DKK3: variants seen among roughly 807,000 people sequenced by gnomAD.
DKK3 encodes dickkopf-related protein 3.
Under a neutral mutation model 33.2 loss-of-function variants are expected in DKK3, and 22 were observed. The observed-to-expected ratio is 0.66, with a 90% CI of 0.47 to 0.95. The LOEUF is 0.95. Among genes scored for constraint, DKK3 ranks in the 40% least tolerant of loss-of-function variants. The probability of loss-of-function intolerance (pLI) is 0.00; values close to 1 mark genes in which losing one functional copy is unlikely to be tolerated. For missense variants in DKK3, 398 were observed against 458.4 expected (o/e 0.87, Z 1.20); for synonymous variants, 194 against 188.8 (o/e 1.03, Z -0.23).
At chr11:11,982,213 G>A (rs76731316) in intron 3 of DKK3, among the ~76,000 whole-genome samples, 4,323 of 152,238 alleles carry the variant, frequency 0.028, 361 homozygotes, top group Admixed American at 0.19. Context: ...TGTCAGGGGC[G>A]TGGGGACAGT....
chr11:11,987,564 C>T (rs770843957), intron 3 of DKK3, among the ~76,000 whole-genome samples: 6 of 152,138 alleles, frequency 3.9e-5, no homozygotes, highest in Non-Finnish European at 8.8e-5. Context: ...TATCTGGGCT[C>T]ATAAGGAAAC....
chr11:11,979,209 G>A (rs1027280903), intron 3 of DKK3, among the ~76,000 whole-genome samples: 6 of 152,234 alleles, frequency 3.9e-5, no homozygotes, highest in South Asian at 4.1e-4. Flanking sequence ...TCCTACCCTT[G>A]TGTCAGGAAA....
intron 3 of DKK3, among the ~76,000 whole-genome samples, chr11:11,969,282 G>A (rs888398871): frequency 2.2e-4 from 34 of 152,216 alleles, no homozygotes; most frequent in African/African-American, 7.5e-4. Context: ...TCAGGCCTAC[G>A]AACCGGCAGC....
intron 3 of DKK3, among the ~76,000 whole-genome samples, chr11:11,984,729 G>A (rs1462414658): frequency 6.6e-6 from 1 of 151,730 alleles, no homozygotes. Flanking sequence ...GTTTTCCCCT[G>A]GGCAGAAAAA....
chr11:12,007,389 C>G (rs1287274317), intron 1 of DKK3, among the ~76,000 whole-genome samples: 4 of 152,174 alleles, frequency 2.6e-5, no homozygotes, highest in Non-Finnish European at 5.9e-5. Context: ...CAGATTGGGC[C>G]CAACAGCGCC....
At chr11:11,978,494 CTTCT>C (rs971925730) in intron 3 of DKK3, among the ~76,000 whole-genome samples, 1 of 150,536 alleles carries the variant, frequency 6.6e-6, no homozygotes, top group Non-Finnish European at 1.5e-5. Context: ...TCCTCTTCTT[CTTCT>C]TCTTTCTTCT....
At chr11:11,970,214 T>C (rs1265904754) in intron 3 of DKK3, among the ~76,000 whole-genome samples, 2 of 152,136 alleles carry the variant, frequency 1.3e-5, no homozygotes, top group Non-Finnish European at 2.9e-5. Context: ...TTTGAGGGAC[T>C]GGGGACACAA....
chr11:11,964,388 C>T lies in DKK3; in HGVS notation c.*76G>A. The T allele has an allele frequency of 6.5e-7, 1 of 1,540,858 alleles. No homozygotes were observed. Among genetic ancestry groups the T allele is most frequent in the Non-Finnish European group, 8.7e-7 (1 of 1,145,310 alleles). ...AAGATGTAGGAAGAAGCCTGGTCAG[C>T]CCACGCCTAAAGCACACACCTGGGG... is the stretch of plus-strand genomic sequence containing the variant. On this transcript the variant is annotated 3_prime_UTR_variant, in exon 7 of 7. Coordinates refer to ENST00000683431, the MANE Select transcript of DKK3 (RefSeq NM_001018057.2).
At chr11:11,993,962 C>T (rs1848239028) in intron 3 of DKK3, among the ~76,000 whole-genome samples, 1 of 152,034 alleles carries the variant, frequency 6.6e-6, no homozygotes, top group Non-Finnish European at 1.5e-5. Flanking sequence ...TATCCCCAAT[C>T]CTCAACCTAG....
Position 12,008,035 on chromosome 11 carries a change from A to C in DKK3, c.213+335T>G, listed in dbSNP as rs537695300. Among the ~76,000 whole-genome samples, 3 of 152,286 alleles carry C rather than the reference A, an allele frequency of 2.0e-5. No individual in the cohort carries two copies. In the South Asian group the frequency reaches 6.2e-4, roughly 32 times the overall value. On this transcript the variant is annotated intron_variant, in intron 1 of 6. Transcript: ENST00000683431. The surrounding 1 kb of genome is among the most constrained non-coding windows in gnomAD (Gnocchi z 4.6). ...TGTGAAACCACAGTGCTGGAATACC[A>C]GGGGCCCTGCAAACCTCTGCTGACA...
intron 3 of DKK3, among the ~76,000 whole-genome samples, chr11:11,993,541 AGCACAAAAAGAAAT>A (rs1430595962): frequency 1.3e-5 from 2 of 152,204 alleles, no homozygotes; most frequent in African/African-American, 4.8e-5. Flanking sequence ...ACCAGGTAGC[AGCACAAAAAGAAAT>A]GCCTACCCCA....
rs534554455 is a variant in DKK3, at chr11:11,976,186, C to A, written c.436-7699G>T. 5.3e-5 allele frequency among the ~76,000 whole-genome samples: 8 copies of A among 152,300 alleles called. No homozygotes were observed. In the East Asian group the frequency reaches 1.5e-3, roughly 29 times the overall value. ...AAAGGCCCAGAACATCAGGCTTGAG[C>A]CAGTGCCCTTCCCATTACCAACAGC... On this transcript the variant is annotated intron_variant, in intron 3 of 6. Coordinates refer to ENST00000683431, the MANE Select transcript of DKK3 (RefSeq NM_001018057.2).
chr11:12,003,282 T>G (rs1251586661), intron 1 of DKK3, among the ~76,000 whole-genome samples: 2 of 152,140 alleles, frequency 1.3e-5, no homozygotes, highest in Non-Finnish European at 2.9e-5. Flanking sequence ...GCCACAGCTG[T>G]GTCTCCTTCC....
Position 11,998,664 on chromosome 11 carries a change from G to C in DKK3, c.435+32C>G, listed in dbSNP as rs748537627. The C allele has an allele frequency of 1.9e-6, 3 of 1,578,980 alleles. No individual in the cohort carries two copies. The South Asian group carries it at 3.3e-5, about 17-fold the overall frequency. On this transcript the variant is annotated intron_variant, in intron 3 of 6. Coordinates refer to ENST00000683431, the MANE Select transcript of DKK3 (RefSeq NM_001018057.2). Reference sequence around the variant, plus strand: ...GAATGAAAATGAAAGTGAGTGTGTCGGGGTGCAAGTACAGGGGAAATGACA... The same window carrying C: ...GAATGAAAATGAAAGTGAGTGTGTCCGGGTGCAAGTACAGGGGAAATGACA...
At chr11:12,008,990 T>A (rs1329887103), upstream of DKK3, 2 of 997,588 alleles carry the variant, frequency 2.0e-6, no homozygotes, top group Non-Finnish European at 2.4e-6. This position sits in a 1 kb window ranked among gnomAD's most constrained non-coding sequence, Gnocchi z 4.6. Flanking sequence ...CTCGACCAGG[T>A]CAGAGTGCCC....
At chr11:11,986,470 C>G (rs1327899491) in intron 3 of DKK3, among the ~76,000 whole-genome samples, 1 of 152,166 alleles carries the variant, frequency 6.6e-6, no homozygotes, top group Non-Finnish European at 1.5e-5. Flanking sequence ...TATCTTCTCC[C>G]CTGAGCCCAA....
At chr11:11,966,156 C>T (rs1266334979) in intron 5 of DKK3, among the ~76,000 whole-genome samples, 191 bp from the exon 6 acceptor site, 1 of 152,212 alleles carries the variant, frequency 6.6e-6, no homozygotes, top group Non-Finnish European at 1.5e-5. Context: ...ATTGGTAGGG[C>T]TGAAGCAGGG....
At position 11,966,954 on chromosome 11, in the gene DKK3, C is replaced by T. The variant is rs767840096; in HGVS notation, c.673G>A (p.Gly225Ser). The change falls in exon 5 of 7, where the codon GGC becomes AGC. Residue 225 changes from glycine (G) to serine (S), a missense_variant and splice_region_variant. Physicochemically the swap from Gly to Ser is moderately conservative, Grantham distance 56 (BLOSUM62 0). Transcript: ENST00000683431. ...QPGLCCAFQR[G>S]LLFPVCTPLP... ...CTGCATCTGAGGGGAGGCCACTCAC[C>T]TCTCTGGAAGGCACAGCACAGCCCC... 3.7e-6 allele frequency: 6 copies of T among 1,613,672 alleles called. No homozygotes were observed. The South Asian group carries it at 5.5e-5, about 15-fold the overall frequency.
chr11:11,996,799 T>C (rs1186522206), intron 3 of DKK3, among the ~76,000 whole-genome samples: 1 of 152,226 alleles, frequency 6.6e-6, no homozygotes, highest in Non-Finnish European at 1.5e-5. Context: ...GATTCTGCCC[T>C]GCACAAGGGG....
Sources: gnomAD v4.1 joint callset for allele counts (sites outside exome capture counted in the v4.1 genomes callset) on GRCh38, gnomAD v4.1.1 for gene constraint, Gnocchi (gnomAD v3.1) non-coding constraint, MANE v1.5 for transcripts, NCBI Gene and HGNC (gene_info 2026-07-23, HGNC 2026-07-21) for gene names.